The following IP6K1 variants were observed in gnomAD, a reference collection of about 807,000 sequenced individuals.
IP6K1 encodes inositol hexakisphosphate kinase 1.
A neutral mutation model predicts 38.3 loss-of-function variants in IP6K1; 13 were observed. That is an observed-to-expected ratio of 0.34 (90% CI 0.22 to 0.54). The LOEUF (loss-of-function observed/expected upper bound fraction) is 0.54. Among genes scored for constraint, IP6K1 ranks in the 20% least tolerant of loss-of-function variants. The pLI, the probability that IP6K1 is intolerant of heterozygous loss-of-function variation, is 0.92. For synonymous variants in IP6K1, 212 were observed against 229.9 expected, an observed-to-expected ratio of 0.92 and a Z score of 0.70; for missense variants, 397 against 599.8, an observed-to-expected ratio of 0.66 and a Z score of 3.53.
chr3:49,769,657 C>CA (rs1242588603), intron 1 of IP6K1, among the ~76,000 whole-genome samples: 2 of 152,142 alleles, frequency 1.3e-5, no homozygotes, highest in Non-Finnish European at 2.9e-5. Flanking sequence ...CTTAGGGACT[C>CA]ATTCTAATGA....
intron 1 of IP6K1, among the ~76,000 whole-genome samples, chr3:49,761,504 C>T (rs2080867899): frequency 1.3e-5 from 2 of 151,010 alleles, no homozygotes; most frequent in Non-Finnish European, 2.9e-5. Context: ...GTCCCAGCTA[C>T]TTGAGAGGCT....
intron 1 of IP6K1, among the ~76,000 whole-genome samples, chr3:49,785,223 T>C (rs1469979484): frequency 6.6e-6 from 1 of 152,014 alleles, no homozygotes; most frequent in Admixed American, 6.6e-5. Flanking sequence ...AAAAGTTAAT[T>C]TGCGCCGGGC....
chr3:49,775,555 G>T, intron 1 of IP6K1: 1 of 1,023,240 alleles, frequency 9.8e-7, no homozygotes, highest in South Asian at 1.6e-5. Flanking sequence ...GTCAATTTGG[G>T]GAGCTCTAAG....
chr3:49,750,296 T>C (rs1351566987), intron 1 of IP6K1, among the ~76,000 whole-genome samples: 1 of 152,120 alleles, frequency 6.6e-6, no homozygotes, highest in Admixed American at 6.6e-5. Flanking sequence ...CTTCTGACTA[T>C]GGACACAAGG....
intron 1 of IP6K1, among the ~76,000 whole-genome samples, chr3:49,754,590 A>T (rs9872864): frequency 6.6e-6 from 1 of 151,944 alleles, no homozygotes; most frequent in Non-Finnish European, 1.5e-5. Flanking sequence ...AGGAGAAATC[A>T]TATGAGTTTT....
chr3:49,736,857 C>T (rs764036882), intron 3 of IP6K1, among the ~76,000 whole-genome samples: 14 of 150,950 alleles, frequency 9.3e-5, no homozygotes, highest in South Asian at 2.1e-4. Flanking sequence ...CTACAAGCTC[C>T]GCCTCCTGGG....
intron 2 of IP6K1, among the ~76,000 whole-genome samples, chr3:49,745,393 T>A (rs1366811412): frequency 6.6e-6 from 1 of 152,148 alleles, no homozygotes; most frequent in African/African-American, 2.4e-5. Context: ...AAGCTTGAGA[T>A]GTCCTAAAAA....
In IP6K1 at chr3:49,727,157, T is replaced by C. The variant is rs1467753699; in HGVS notation, c.1291A>G (p.Ser431Gly). ...TCGTCCCGCATCTGTTCCATGATGCTGATGAGGTTCTCCAGGCCAAACACG... is the reference window on the plus strand; with the variant it reads ...TCGTCCCGCATCTGTTCCATGATGCCGATGAGGTTCTCCAGGCCAAACACG... ...GYVFGLENLI[S>G]IMEQMRDENQ Residue 431 changes from serine (S) to glycine (G), a missense_variant, in exon 6 of 6, where the codon AGC (serine) becomes GGC (glycine). This residue lies in a region of IP6K1 where 164 missense variants were observed against 213.5 expected (regional missense o/e 0.77). Transcript: ENST00000321599. The surrounding 1 kb of genome is among the most constrained non-coding windows in gnomAD (Gnocchi z 5.9). 6.2e-7 allele frequency: 1 copy of C among 1,613,632 alleles called. No homozygotes were observed. The highest frequency in any genetic ancestry group is 1.3e-5 in the African/African-American group (1 of 74,924).
chr3:49,731,637 A>C (rs923789189), intron 4 of IP6K1, among the ~76,000 whole-genome samples: 1 of 152,222 alleles, frequency 6.6e-6, no homozygotes, highest in African/African-American at 2.4e-5. Flanking sequence ...AAAATTAACT[A>C]CGTACAAAAG....
chr3:49,781,990 G>A (rs944682123), intron 1 of IP6K1, among the ~76,000 whole-genome samples: 1 of 151,986 alleles, frequency 6.6e-6, no homozygotes, highest in Non-Finnish European at 1.5e-5. Context: ...CTACTCTGGA[G>A]GCTGAGGCAG....
At chr3:49,734,502 G>T (rs2080589569) in intron 3 of IP6K1, among the ~76,000 whole-genome samples, 1 of 147,158 alleles carries the variant, frequency 6.8e-6, no homozygotes, top group Non-Finnish European at 1.5e-5. Flanking sequence ...TAACTGTGTG[G>T]CATAAGTCGC....
At position 49,728,131 on chromosome 3, in the gene IP6K1, G is replaced by A. The variant is rs1430321318; in HGVS notation, c.764C>T (p.Thr255Met). 2.5e-6 allele frequency: 4 copies of A among 1,613,898 alleles called. No individual in the cohort carries two copies. Among genetic ancestry groups the A allele is most frequent in the South Asian group, 2.2e-5 (2 of 91,086 alleles). Residue 255 changes from threonine to methionine, a missense_variant, in exon 5 of 6, where the codon ACG (threonine) becomes ATG (methionine). Coordinates refer to ENST00000321599, the MANE Select transcript of IP6K1 (RefSeq NM_153273.4). Reference sequence around the variant, plus strand: ...CATGCCGCAGACCCTGACGCCCAGCGTGGCTGATGTGCTCTGCTCGCATTT... The same window carrying A: ...CATGCCGCAGACCCTGACGCCCAGCATGGCTGATGTGCTCTGCTCGCATTT... ...MRKCEQSTSA[T>M]LGVRVCGMQV...
chr3:49,725,160 A>C lies in IP6K1; in HGVS notation c.*1962T>G, dbSNP rs1303774222. 2.0e-5 allele frequency: 3 copies of C among 152,598 alleles called. No homozygotes were observed. The highest frequency in any genetic ancestry group is 4.4e-5 in the Non-Finnish European group (3 of 68,048). 9.5% of individuals were successfully genotyped at this position (152,598 alleles called of 1,614,324 possible). A position where few individuals can be genotyped will look rare whatever the true frequency, so the allele number is the denominator to read the frequency against. ...TCTTTGTAGTGCCAGGAAAATACTG[A>C]ATGTAAGTGGGTGCAGCTTTGCTCG... On this transcript the variant is annotated 3_prime_UTR_variant, in exon 6 of 6. Transcript: ENST00000321599.
At chr3:49,735,411 C>T (rs902594964) in intron 3 of IP6K1, among the ~76,000 whole-genome samples, 5 of 152,124 alleles carry the variant, frequency 3.3e-5, no homozygotes, top group African/African-American at 7.2e-5. Context: ...TCAGAGAGAA[C>T]CATCAATTGT....
intron 1 of IP6K1, among the ~76,000 whole-genome samples, chr3:49,767,782 A>G (rs1484039453): frequency 1.3e-5 from 2 of 152,152 alleles, no homozygotes; most frequent in Non-Finnish European, 2.9e-5. Context: ...GAGTGAAAAC[A>G]TCACCCACAG....
intron 1 of IP6K1, among the ~76,000 whole-genome samples, chr3:49,782,296 G>A (rs1368439528): frequency 3.3e-5 from 5 of 151,696 alleles, no homozygotes; most frequent in African/African-American, 9.7e-5. Context: ...TCAGCCTCCT[G>A]AGTAGCTGGG....
chr3:49,772,828 C>CTT (rs1195930851), intron 1 of IP6K1, among the ~76,000 whole-genome samples: 1 of 140,014 alleles, frequency 7.1e-6, no homozygotes. Context: ...AACTCTTGAG[C>CTT]TTTTTTTTTT....
At chr3:49,774,318 G>T (rs2080986707) in intron 1 of IP6K1, among the ~76,000 whole-genome samples, 1 of 144,208 alleles carries the variant, frequency 6.9e-6, no homozygotes, top group Non-Finnish European at 1.5e-5. Context: ...TGAGGCAGGA[G>T]AATGGCGTGA....
At chr3:49,728,373 T>G in intron 4 of IP6K1, 95 bp from the exon 5 acceptor site, 1 of 1,155,154 alleles carries the variant, frequency 8.7e-7, no homozygotes, top group Non-Finnish European at 1.3e-6. Context: ...GGCTTTTACC[T>G]AATGCAGTAT....
Sources: allele counts gnomAD v4.1 joint callset (sites outside exome capture counted in the v4.1 genomes callset), GRCh38; gene constraint gnomAD v4.1.1; regional missense constraint gnomAD v4.1.1; non-coding constraint Gnocchi (gnomAD v3.1); transcripts MANE v1.5; gene names NCBI Gene and HGNC (gene_info 2026-07-23, HGNC 2026-07-21).